CNTNAP2: variants seen among roughly 807,000 people sequenced by gnomAD.
CNTNAP2 encodes the protein contactin associated protein 2.
In CNTNAP2, 98 loss-of-function variants were observed where a neutral mutation model predicts 155.2. The observed-to-expected ratio is 0.63, with a 90% CI of 0.54 to 0.75. CNTNAP2 has a LOEUF of 0.75. Ranked by LOEUF, CNTNAP2 falls within the 30% of genes least tolerant of loss-of-function variation. CNTNAP2 has a pLI of 0.00. For synonymous variants in CNTNAP2, 651 were observed against 631.2 expected, an observed-to-expected ratio of 1.03 and a Z score of -0.47; for missense variants, 1,727 against 1,688.1, an observed-to-expected ratio of 1.02 and a Z score of -0.40.
chr7:146,631,437 C>T (rs1799509788), intron 1 of CNTNAP2, among the ~76,000 whole-genome samples: 1 of 152,132 alleles, frequency 6.6e-6, no homozygotes, highest in Non-Finnish European at 1.5e-5. Flanking sequence ...CTACACTGAA[C>T]TAAAATTTAC....
At chr7:146,932,697 C>T (rs1796803687) in intron 3 of CNTNAP2, among the ~76,000 whole-genome samples, 1 of 152,178 alleles carries the variant, frequency 6.6e-6, no homozygotes, top group African/African-American at 2.4e-5. Flanking sequence ...CCCATTGTCT[C>T]AGCCCAAAAT....
chr7:147,755,210 T>A (rs945007749), intron 13 of CNTNAP2, among the ~76,000 whole-genome samples: 4 of 152,224 alleles, frequency 2.6e-5, no homozygotes, highest in Non-Finnish European at 5.9e-5. Context: ...TTTAGCATAG[T>A]GACTTGGGGC....
At chr7:148,081,858 G>C (rs1803612048) in intron 15 of CNTNAP2, among the ~76,000 whole-genome samples, 1 of 152,188 alleles carries the variant, frequency 6.6e-6, no homozygotes, top group Admixed American at 6.5e-5. Flanking sequence ...ATGTGAGAAA[G>C]TGGGCTTGCG....
intron 9 of CNTNAP2, among the ~76,000 whole-genome samples, chr7:147,365,056 T>C (rs2116902892): frequency 6.6e-6 from 1 of 152,210 alleles, no homozygotes; most frequent in South Asian, 2.1e-4. Flanking sequence ...ATTTGGGATA[T>C]TTTTTGTCAT....
At chr7:147,407,859 AT>A (rs1797036031) in intron 10 of CNTNAP2, among the ~76,000 whole-genome samples, 1 of 152,204 alleles carries the variant, frequency 6.6e-6, no homozygotes, top group South Asian at 2.1e-4. Context: ...GCCTCGGATG[AT>A]GAGAAAGAAA....
At chr7:146,959,400 A>G (rs1797507981) in intron 3 of CNTNAP2, among the ~76,000 whole-genome samples, 1 of 152,022 alleles carries the variant, frequency 6.6e-6, no homozygotes, top group Non-Finnish European at 1.5e-5. Flanking sequence ...TAGAGTCAAG[A>G]TGACACCGTA....
At chr7:146,613,559 TA>T (rs771676113) in intron 1 of CNTNAP2, among the ~76,000 whole-genome samples, 1 of 151,702 alleles carries the variant, frequency 6.6e-6, no homozygotes, top group Non-Finnish European at 1.5e-5. Flanking sequence ...GTCGAAAGAG[TA>T]AAAAAAGATA....
intron 16 of CNTNAP2, among the ~76,000 whole-genome samples, chr7:148,127,914 G>A (rs1804748094): frequency 6.6e-6 from 1 of 152,106 alleles, no homozygotes; most frequent in South Asian, 2.1e-4. Context: ...CTGTCGCCCA[G>A]CCTGGAGTGC....
At chr7:147,400,614 G>T (rs1796896217) in intron 10 of CNTNAP2, among the ~76,000 whole-genome samples, 1 of 152,100 alleles carries the variant, frequency 6.6e-6, no homozygotes, top group African/African-American at 2.4e-5. Flanking sequence ...AGCTGCCAGA[G>T]GAATGTTTTT....
chr7:146,194,391 A>T (rs1241011096), intron 1 of CNTNAP2, among the ~76,000 whole-genome samples: 2 of 152,220 alleles, frequency 1.3e-5, no homozygotes, highest in African/African-American at 4.8e-5. Context: ...CATGTCTTAC[A>T]TGGTTGCAGG....
chr7:148,014,628 C>T (rs1159956845), intron 15 of CNTNAP2, among the ~76,000 whole-genome samples: 1 of 152,180 alleles, frequency 6.6e-6, no homozygotes, highest in Non-Finnish European at 1.5e-5. Context: ...ACAAATCCAC[C>T]TGGAGTATGA....
At chr7:147,935,462 T>G (rs1355118830) in intron 14 of CNTNAP2, among the ~76,000 whole-genome samples, 1 of 152,232 alleles carries the variant, frequency 6.6e-6, no homozygotes, top group Non-Finnish European at 1.5e-5. Flanking sequence ...AAGCTGAGTT[T>G]AATATACTGT....
At chr7:148,295,382 G>A (rs972965093) in intron 21 of CNTNAP2, among the ~76,000 whole-genome samples, 1 of 134,604 alleles carries the variant, frequency 7.4e-6, no homozygotes, top group African/African-American at 3.0e-5. Flanking sequence ...ATAGTAACAA[G>A]GGCTACAAAA....
intron 13 of CNTNAP2, among the ~76,000 whole-genome samples, chr7:147,679,075 A>G (rs1405295487): frequency 1.3e-5 from 2 of 151,892 alleles, no homozygotes; most frequent in African/African-American, 4.8e-5. Flanking sequence ...TTTATTGTTA[A>G]TGAAAGCATG....
intron 18 of CNTNAP2, among the ~76,000 whole-genome samples, chr7:148,213,604 G>C (rs2116750401): frequency 6.6e-6 from 1 of 151,964 alleles, no homozygotes; most frequent in East Asian, 1.9e-4. Context: ...CCAAGTCCCA[G>C]GTCCACCTCT....
intron 21 of CNTNAP2, among the ~76,000 whole-genome samples, chr7:148,325,303 G>A (rs1273050277): frequency 6.6e-6 from 1 of 152,226 alleles, no homozygotes; most frequent in Non-Finnish European, 1.5e-5. Context: ...AAACATCTAA[G>A]AGTAGATGAT....
At chr7:146,345,068 A>G (rs2129097313) in intron 1 of CNTNAP2, among the ~76,000 whole-genome samples, 1 of 152,314 alleles carries the variant, frequency 6.6e-6, no homozygotes, top group East Asian at 1.9e-4. Flanking sequence ...TTTAGCAAAC[A>G]GAGTTCTTCA....
chr7:148,168,730 T>A (rs1805721547), intron 17 of CNTNAP2, among the ~76,000 whole-genome samples: 4 of 152,138 alleles, frequency 2.6e-5, no homozygotes, highest in Non-Finnish European at 5.9e-5. Context: ...AAGAAAAATA[T>A]CTCCATTCTT....
Position 146,760,409 on chromosome 7 carries a change from C to CTTTTTTTTTTTTTTTTTTTTTTTTTTTTT in CNTNAP2, c.98-13857_98-13829dup, listed in dbSNP as rs532820418. On this transcript the variant is annotated intron_variant, in intron 1 of 23. Transcript: ENST00000361727. ...CACCTCTGTATCATCTCCAATTTAC[C>CTTTTTTTTTTTTTTTTTTTTTTTTTTTTT]TTTTTTTTTTTTTTTTTTTTTTTTT... Among the ~76,000 whole-genome samples the CTTTTTTTTTTTTTTTTTTTTTTTTTTTTT allele has an allele frequency of 2.3e-4, 13 of 56,276 alleles. 3 individuals carry two copies. Among genetic ancestry groups the CTTTTTTTTTTTTTTTTTTTTTTTTTTTTT allele is most frequent in the Non-Finnish European group, 3.0e-4 (10 of 33,400 alleles). 36.9% of individuals were successfully genotyped at this position (56,276 alleles called of 152,430 possible). A position where few individuals can be genotyped will look rare whatever the true frequency, so the allele number is the denominator to read the frequency against.
Sources: gnomAD v4.1 joint callset for allele counts (sites outside exome capture counted in the v4.1 genomes callset) on GRCh38, gnomAD v4.1.1 for gene constraint, MANE v1.5 for transcripts, NCBI Gene and HGNC (gene_info 2026-07-23, HGNC 2026-07-21) for gene names.